HDAC4: variants seen among roughly 807,000 people sequenced by gnomAD.
HDAC4 encodes histone deacetylase 4.
HDAC4 carries 16 observed loss-of-function variants against 135.1 expected under a neutral mutation model. The observed-to-expected ratio is 0.12, with a 90% CI of 0.08 to 0.18. The LOEUF is 0.18. Ranked by LOEUF, HDAC4 falls within the 10% of genes least tolerant of loss-of-function variation. The probability of loss-of-function intolerance (pLI) is 1.00; values close to 1 mark genes in which losing one functional copy is unlikely to be tolerated. For synonymous variants in HDAC4, 685 were observed against 653.4 expected (o/e 1.05, Z -0.74); for missense variants, 1,143 against 1,511.8 (o/e 0.76, Z 4.05).
chr2:239,143,821 C>T (rs1340183650), intron 8 of HDAC4, among the ~76,000 whole-genome samples: 5 of 152,230 alleles, frequency 3.3e-5, no homozygotes, highest in Non-Finnish European at 2.9e-5. Flanking sequence ...TACCATGAGC[C>T]TTGGCCTTCA....
At chr2:239,201,624 C>A (rs184385437) in intron 3 of HDAC4, among the ~76,000 whole-genome samples, 1 of 152,158 alleles carries the variant, frequency 6.6e-6, no homozygotes, top group East Asian at 1.9e-4. Flanking sequence ...TGCTCAAGGC[C>A]GAGACAACAG....
intron 16 of HDAC4, among the ~76,000 whole-genome samples, chr2:239,096,513 A>C (rs1341210840): frequency 2.8e-3 from 57 of 20,544 alleles, no homozygotes; most frequent in South Asian, 0.012. Context: ...GGACACCCAC[A>C]CCCCCCATGG....
intron 4 of HDAC4, among the ~76,000 whole-genome samples, chr2:239,182,602 C>T (rs946572806): frequency 2.0e-5 from 3 of 151,540 alleles, no homozygotes; most frequent in Admixed American, 6.6e-5. Context: ...ATCTCGGCTT[C>T]GCTACTTGTA....
At chr2:239,122,218 C>T (rs750335545) in intron 12 of HDAC4, among the ~76,000 whole-genome samples, 2 of 152,210 alleles carry the variant, frequency 1.3e-5, no homozygotes, top group Non-Finnish European at 2.9e-5. Context: ...CCGAGGCCCT[C>T]CGCTCTGCAG....
chr2:239,386,460 G>A (rs1004720840), intron 1 of HDAC4, among the ~76,000 whole-genome samples: 3 of 152,158 alleles, frequency 2.0e-5, no homozygotes, highest in Non-Finnish European at 2.9e-5. Context: ...GTCAGCTGAG[G>A]GTGCAGGTCC....
chr2:239,358,659 T>G (rs1693671984), intron 1 of HDAC4, among the ~76,000 whole-genome samples: 1 of 152,186 alleles, frequency 6.6e-6, no homozygotes, highest in African/African-American at 2.4e-5. Context: ...TAATCATGAG[T>G]CTATACTGAG....
intron 17 of HDAC4, chr2:239,094,173 G>A (rs2036777006): frequency 3.0e-6 from 3 of 985,326 alleles, no homozygotes; most frequent in Middle Eastern, 5.2e-4. Flanking sequence ...TCGCGGCACT[G>A]CAGGACCATG....
rs748412007 is a variant in HDAC4 at position 239,081,127 on chromosome 2, G to A, written c.2718C>T (p.Pro906=). The change falls in exon 22 of 27, where the codon CCC becomes CCT. Residue 906 remains proline, a synonymous_variant. Coordinates refer to ENST00000543185, the MANE Select transcript of HDAC4 (RefSeq NM_001378414.1). ...NMAFTGGLDP[P]MGDAEYLAAF... ...CCGCCAAGTACTCAGCGTCTCCCAT[G>A]GGGGGGTCCAGGCCGCCGGTGAAAG... is the stretch of plus-strand genomic sequence containing the variant. 1.2e-6 allele frequency: 2 copies of A among 1,613,120 alleles called. No individual in the cohort carries two copies. The highest frequency in any genetic ancestry group is 1.7e-5 in the Admixed American group (1 of 60,012).
At chr2:239,114,360 C>T (rs1036613568) in intron 13 of HDAC4, among the ~76,000 whole-genome samples, 12 of 152,314 alleles carry the variant, frequency 7.9e-5, no homozygotes, top group African/African-American at 2.6e-4. Context: ...GCTGTGGTTC[C>T]TCGGACTGGC....
chr2:239,276,617 TCCTGGACATTGCCTGCTGCCTGGACACTG>T, intron 2 of HDAC4, among the ~76,000 whole-genome samples: 1 of 152,140 alleles, frequency 6.6e-6, no homozygotes, highest in Admixed American at 6.5e-5. Context: ...ACAGGCCACT[TCCTGGACATTGCCTGCTGCCTGGACACTG>T]CCCGCTGCCT....
At chr2:239,263,358 G>A (rs1183434091) in intron 2 of HDAC4, among the ~76,000 whole-genome samples, 2 of 105,792 alleles carry the variant, frequency 1.9e-5, no homozygotes, top group Non-Finnish European at 3.7e-5. Flanking sequence ...CAGCCGCCCC[G>A]AAGCCCGCCC....
At chr2:239,063,426 G>A (rs1196667299) in intron 24 of HDAC4, among the ~76,000 whole-genome samples, 8 of 151,962 alleles carry the variant, frequency 5.3e-5, no homozygotes, top group East Asian at 1.9e-4. Context: ...GGATGGTCTC[G>A]ATCTCCTGAC....
At position 239,134,374 on chromosome 2, in the gene HDAC4, G is replaced by C; in HGVS notation, c.1165C>G (p.Pro389Ala). 6.2e-7 allele frequency: 1 copy of C among 1,613,986 alleles called. No individual in the cohort carries two copies. Among genetic ancestry groups the C allele is most frequent in the Non-Finnish European group, 8.5e-7 (1 of 1,179,978 alleles). ...PALQQRLSLF[P>A]GTHLTPYLST... ...AGGTAGGGAGTGAGGTGGGTGCCGG[G>C]GAAAAGGGAGAGCCTCTGCTGGAGG... The change falls in exon 11 of 27, where the codon CCC (proline) becomes GCC (alanine). Residue 389 changes from proline to alanine, a missense_variant. Physicochemically the swap from Pro to Ala is conservative, Grantham distance 27. This residue lies in a region of HDAC4 where 272 missense variants were observed against 309.7 expected (regional missense o/e 0.88). Coordinates refer to ENST00000543185, the MANE Select transcript of HDAC4 (RefSeq NM_001378414.1).
chr2:239,165,683 A>G (rs2043084908), intron 5 of HDAC4, among the ~76,000 whole-genome samples: 1 of 152,216 alleles, frequency 6.6e-6, no homozygotes, highest in Admixed American at 6.5e-5. Flanking sequence ...AGGTTGGCTC[A>G]GTTACCAAGT....
chr2:239,204,210 C>T (rs370336946), intron 3 of HDAC4, among the ~76,000 whole-genome samples: 2 of 152,174 alleles, frequency 1.3e-5, no homozygotes, highest in East Asian at 1.9e-4. Context: ...GCTGGCCGGC[C>T]GTGTCCCGGC....
rs187975991 is a variant in HDAC4, at chr2:239,185,351, C to T, written c.339+4482G>A. 3.3e-5 allele frequency among the ~76,000 whole-genome samples: 5 copies of T among 150,108 alleles called. No individual in the cohort carries two copies. In the East Asian group the frequency reaches 5.9e-4, roughly 18 times the overall value. On this transcript the variant is annotated intron_variant, in intron 4 of 26. Coordinates refer to ENST00000543185, the MANE Select transcript of HDAC4 (RefSeq NM_001378414.1). The stretch of plus-strand genomic sequence containing the variant: ...GAGGTCTGCCCTATGAAGGGTGCCC[C>T]GTGTCTCGTGGGGAGACATGTGCCC...
chr2:239,378,911 T>C (rs1255569891), intron 1 of HDAC4, among the ~76,000 whole-genome samples: 2 of 152,222 alleles, frequency 1.3e-5, no homozygotes, highest in African/African-American at 2.4e-5. Flanking sequence ...TGCCAAGCTC[T>C]GTCTAGTTCC....
intron 4 of HDAC4, among the ~76,000 whole-genome samples, chr2:239,189,076 ACTTAG>A (rs1244106315): frequency 6.6e-6 from 1 of 152,162 alleles, no homozygotes; most frequent in African/African-American, 2.4e-5. Context: ...GATATAGATA[ACTTAG>A]TCTGGTTTTG....
At chr2:239,215,403 G>C (rs2046577675) in intron 3 of HDAC4, among the ~76,000 whole-genome samples, 1 of 152,086 alleles carries the variant, frequency 6.6e-6, no homozygotes, top group Admixed American at 6.5e-5. Flanking sequence ...AGAGAAGCAG[G>C]GTCGACGCCC....
Sources: gnomAD v4.1 joint callset for allele counts (sites outside exome capture counted in the v4.1 genomes callset) on GRCh38, gnomAD v4.1.1 for gene constraint, gnomAD v4.1.1 regional missense constraint, MANE v1.5 for transcripts, NCBI Gene and HGNC (gene_info 2026-07-23, HGNC 2026-07-21) for gene names.